Variants in CFAP65 observed in about 807,000 individuals in gnomAD.
The protein encoded by CFAP65 is cilia- and flagella-associated protein 65.
Under a neutral mutation model 208.0 loss-of-function variants are expected in CFAP65, and 155 were observed. The ratio of observed to expected loss-of-function variants is 0.75; its 90% CI spans 0.65 to 0.85. The LOEUF is 0.85. Ranked by LOEUF, CFAP65 falls within the 40% of genes least tolerant of loss-of-function variation. CFAP65 has a pLI of 0.00. For synonymous variants in CFAP65, 970 were observed against 986.3 expected (o/e 0.98, Z 0.31); for missense variants, 2,294 against 2,451.3 (o/e 0.94, Z 1.36).
rs552024443 is a variant in CFAP65 at position 219,022,327 on chromosome 2, C to T, written c.2823G>A (p.Thr941=). Residue 941 remains threonine (T), a splice_region_variant and synonymous_variant, in exon 17 of 35, where the codon ACG becomes ACA. Coordinates refer to ENST00000341552, the MANE Select transcript of CFAP65 (RefSeq NM_194302.4). ...RGLIQPNERL[T]LTWTFSPLEE... is the part of the protein sequence containing the mutation. ...CCAAAGGGCTGAAGGTCCACGTCAG[C>T]GTCTGGGGTCACAGAAATGATCCCT... 81 of 1,595,758 alleles carry T rather than the reference C, an allele frequency of 5.1e-5. 1 individual carries two copies. In the South Asian group the frequency reaches 5.7e-4, roughly 11 times the overall value.
chr2:219,038,589 A>G lies in CFAP65; in HGVS notation c.154-11T>C. 4 of 1,608,456 alleles carry G rather than the reference A, an allele frequency of 2.5e-6. No individual in the cohort carries two copies. The highest frequency in any genetic ancestry group is 3.4e-6 in the Non-Finnish European group (4 of 1,175,756). On this transcript the variant is annotated splice_polypyrimidine_tract_variant and intron_variant, in intron 3 of 34. Transcript: ENST00000341552. ...ACTCTGAGTATGGAGCTGGGAAGAG[A>G]GCAGAGGGGAGAGGAGACAGGAGTG... is the stretch of plus-strand genomic sequence containing the variant.
intron 28 of CFAP65, 67 bp from the exon 29 acceptor site, chr2:219,009,221 C>T (rs960957140): frequency 2.9e-5 from 44 of 1,506,424 alleles, no homozygotes; most frequent in Non-Finnish European, 3.9e-5. Context: ...TGCTGTGAGC[C>T]CTCTCCCTTC....
At chr2:219,029,719 G>T in intron 10 of CFAP65, 51 bp from the exon 11 acceptor site, 1 of 1,586,596 alleles carries the variant, frequency 6.3e-7, no homozygotes. Context: ...CTTAGACAAA[G>T]TTCCACTGAA....
rs761611557 is a variant in CFAP65, at chr2:219,006,115, C to T, written c.4828G>A (p.Gly1610Ser). ...SWPCPQPPSP[G>S]MLCLGLTARA... Reference sequence around the variant, plus strand: ...GCAGTAAGGCCCAGGCAGAGCATGCCTGGCGAGGGTGGCTGGGGGCAGGGC... The same window carrying T: ...GCAGTAAGGCCCAGGCAGAGCATGCTTGGCGAGGGTGGCTGGGGGCAGGGC... Residue 1610 changes from glycine to serine, a missense_variant, in exon 31 of 35, where the codon GGC becomes AGC. Gly to Ser is a moderately conservative substitution (Grantham distance 56, BLOSUM62 0). Around this residue, in one of 2 missense-constraint regions of CFAP65, gnomAD observed 1,427 missense variants for 1,438.7 expected, o/e 0.99. Transcript: ENST00000341552. 6.2e-7 allele frequency: 1 copy of T among 1,613,654 alleles called. No homozygotes were observed. The highest frequency in any genetic ancestry group is 1.3e-5 in the African/African-American group (1 of 75,066).
rs147627348 is a variant in CFAP65, at chr2:219,027,670, C to T, written c.2191G>A (p.Glu731Lys). The T allele has an allele frequency of 6.8e-6, 11 of 1,613,830 alleles. No homozygotes were observed. The highest frequency in any genetic ancestry group is 1.6e-4 in the Middle Eastern group (1 of 6,084). The change falls in exon 13 of 35, where the codon GAA becomes AAA. Residue 731 changes from glutamate (E) to lysine (K), a missense_variant. Physicochemically the swap from Glu to Lys is moderately conservative, Grantham distance 56. Coordinates refer to ENST00000341552, the MANE Select transcript of CFAP65 (RefSeq NM_194302.4). ...CACACCTTATAGATGGCGAAGGCTT[C>T]GAGCTCCACCGTGTAAAGGCAGTTG... is the stretch of plus-strand genomic sequence containing the variant. ...HPNCLYTVEL[E>K]AFAIYKVLQS...
intron 11 of CFAP65, among the ~76,000 whole-genome samples, chr2:219,028,901 G>A (rs893348195): frequency 2.0e-5 from 3 of 152,212 alleles, no homozygotes; most frequent in Non-Finnish European, 2.9e-5. Context: ...AGCTCAGGGA[G>A]GGATCATGGG....
chr2:219,013,247 T>C lies in CFAP65; in HGVS notation c.3957+12A>G. On this transcript the variant is annotated intron_variant, in intron 24 of 34. Transcript: ENST00000341552. ...GGCCTTCTTGGTCAACAGGACAATG[T>C]GGACCACTGACCTGCCGTGGGGGTA... 6.3e-7 allele frequency: 1 copy of C among 1,580,474 alleles called. No individual in the cohort carries two copies. The highest frequency in any genetic ancestry group is 8.7e-7 in the Non-Finnish European group (1 of 1,150,560).
In CFAP65 at chr2:219,013,513, C is replaced by A. The variant is rs1946627994; in HGVS notation, c.3846+6G>T. On this transcript the variant is annotated splice_donor_region_variant and intron_variant, in intron 23 of 34. Transcript: ENST00000341552. ...CTAGGGCAGGGCCAGTGTGCTGGGGCCTCACCAGGATCTCCCGGCCATGGG... is the reference window on the plus strand; with the variant it reads ...CTAGGGCAGGGCCAGTGTGCTGGGGACTCACCAGGATCTCCCGGCCATGGG... 3 of 1,595,008 alleles carry A rather than the reference C, an allele frequency of 1.9e-6. No homozygotes were observed. Among genetic ancestry groups the A allele is most frequent in the Middle Eastern group, 1.7e-4 (1 of 6,058 alleles).
chr2:219,037,468 G>T (rs1456829886), intron 4 of CFAP65, among the ~76,000 whole-genome samples: 1 of 152,196 alleles, frequency 6.6e-6, no homozygotes, highest in Non-Finnish European at 1.5e-5. Context: ...AAGGAACCTG[G>T]GAGTTGGCAA....
chr2:219,013,755 G>A (rs376392860), intron 22 of CFAP65, 113 bp downstream of exon 22: 4 of 1,177,498 alleles, frequency 3.4e-6, no homozygotes, highest in Non-Finnish European at 5.0e-6. Context: ...CAGGTGAGAA[G>A]GTGGTCCTCC....
intron 22 of CFAP65, 98 bp downstream of exon 22, chr2:219,013,770 G>T (rs1425580121): frequency 3.2e-6 from 4 of 1,256,494 alleles, no homozygotes; most frequent in Non-Finnish European, 4.6e-6. Flanking sequence ...TCCTCCCAGG[G>T]AATGGCCATT....
At chr2:219,018,653 C>A in intron 21 of CFAP65, 1 of 225,974 alleles carries the variant, frequency 4.4e-6, no homozygotes. Flanking sequence ...GAGTCCTTAA[C>A]CTTGCTGACC....
intron 22 of CFAP65, 32 bp downstream of exon 22, chr2:219,013,836 G>C: frequency 6.5e-7 from 1 of 1,547,922 alleles, no homozygotes; most frequent in Non-Finnish European, 8.7e-7. Context: ...TCTATGACTG[G>C]AAGTGCAGGG....
At chr2:219,009,289 C>T (rs1213480078) in intron 28 of CFAP65, 58 bp downstream of exon 28, 2 of 1,476,912 alleles carry the variant, frequency 1.4e-6, no homozygotes, top group Non-Finnish European at 1.9e-6. Context: ...CATCACACCC[C>T]ACCCCAGCAT....
chr2:219,008,379 T>C (rs1946175947), intron 29 of CFAP65, among the ~76,000 whole-genome samples: 1 of 152,136 alleles, frequency 6.6e-6, no homozygotes, highest in Admixed American at 6.5e-5. Flanking sequence ...TAGAAATCAT[T>C]AACTCCAGGA....
chr2:219,017,100 G>A (rs553063123), intron 21 of CFAP65, among the ~76,000 whole-genome samples: 1 of 152,218 alleles, frequency 6.6e-6, no homozygotes, highest in Middle Eastern at 3.2e-3. Context: ...AGTCTGCAGC[G>A]CCTCGAGGGA....
chr2:219,023,060 G>A (rs1574599190), intron 16 of CFAP65, 147 bp downstream of exon 16: 1 of 689,704 alleles, frequency 1.4e-6, no homozygotes. Context: ...GATGGTGAGG[G>A]TAATAATAAC....
rs1176095309 is a variant in CFAP65, at chr2:219,003,284, C to T, written c.5556-12G>A. On this transcript the variant is annotated splice_polypyrimidine_tract_variant and intron_variant, in intron 33 of 34. Transcript: ENST00000341552. This position sits in a 1 kb window ranked among gnomAD's most constrained non-coding sequence, Gnocchi z 4.4. The stretch of plus-strand genomic sequence containing the variant: ...CGAAGGCCGGGAGCCTGCGAGGGGG[C>T]GGGGGCTAGCATGAGGGCGGCCGCA... 3 of 1,521,918 alleles carry T rather than the reference C, an allele frequency of 2.0e-6. No homozygotes were observed. Among genetic ancestry groups the T allele is most frequent in the Non-Finnish European group, 2.6e-6 (3 of 1,132,578 alleles). 94.3% of individuals were successfully genotyped at this position (1,521,918 alleles called of 1,614,324 possible). A position where few individuals can be genotyped will look rare whatever the true frequency, so the allele number is the denominator to read the frequency against.
chr2:219,039,033 C>G lies in CFAP65; in HGVS notation c.16G>C (p.Gly6Arg), dbSNP rs749319343. ...TGGGTTTTCTCCACCAGTCTACAAC[C>G]GGTTAAGGTAAACATCACTGAAATA... MFTLT[G>R]CRLVEKTQKV... The change falls in exon 3 of 35, where the codon GGT becomes CGT. Residue 6 changes from glycine (G) to arginine (R), a missense_variant. This residue lies in a region of CFAP65 where 867 missense variants were observed against 1,012.6 expected (regional missense o/e 0.86). Transcript: ENST00000341552. The G allele has an allele frequency of 6.2e-7, 1 of 1,607,434 alleles. No homozygotes were observed. Among genetic ancestry groups the G allele is most frequent in the Non-Finnish European group, 8.5e-7 (1 of 1,176,714 alleles).
Sources: gnomAD v4.1 joint callset for allele counts (sites outside exome capture counted in the v4.1 genomes callset) on GRCh38, gnomAD v4.1.1 for gene constraint, gnomAD v4.1.1 regional missense constraint, Gnocchi (gnomAD v3.1) non-coding constraint, MANE v1.5 for transcripts, NCBI Gene and HGNC (gene_info 2026-07-23, HGNC 2026-07-21) for gene names.